The following BANK1 variants were observed in gnomAD, a reference collection of about 807,000 sequenced individuals.
The protein encoded by BANK1 is B-cell scaffold protein with ankyrin repeats.
A neutral mutation model predicts 94.5 loss-of-function variants in BANK1; 95 were observed. That is an observed-to-expected ratio of 1.00 (90% CI 0.85 to 1.19). The LOEUF (loss-of-function observed/expected upper bound fraction) is 1.19, where lower values mean the gene tolerates loss of function less well. Among genes scored for constraint, BANK1 ranks in the 50% most tolerant of loss-of-function variants. The probability of loss-of-function intolerance (pLI) is 0.00; values close to 1 mark genes in which losing one functional copy is unlikely to be tolerated. For synonymous variants in BANK1, 334 were observed against 308.4 expected (o/e 1.08, Z -0.87); for missense variants, 987 against 932.2 (o/e 1.06, Z -0.77).
chr4:102,062,670 C>A (rs1728456029), intron 12 of BANK1: 2 of 162,594 alleles, frequency 1.2e-5, no homozygotes, highest in African/African-American at 2.4e-5. Flanking sequence ...TGGGCTCAGG[C>A]AGCAGCAAAC....
chr4:102,047,170 G>C (rs1727904868), intron 11 of BANK1, among the ~76,000 whole-genome samples: 2 of 152,074 alleles, frequency 1.3e-5, no homozygotes, highest in African/African-American at 4.8e-5. Flanking sequence ...AGGACATTAT[G>C]AATCATCCTT....
In BANK1 at chr4:102,025,569, A is replaced by G. The variant is rs534463170; in HGVS notation, c.1594+60A>G. On this transcript the variant is annotated intron_variant, in intron 9 of 16. Coordinates refer to ENST00000322953, the MANE Select transcript of BANK1 (RefSeq NM_017935.5). The stretch of plus-strand genomic sequence containing the variant: ...AAAGACAAATCTTTGACAGGCTTAC[A>G]TAGCAAATAGTGCAGTGGCAAATCT... 4.7e-6 allele frequency: 7 copies of G among 1,497,276 alleles called. No homozygotes were observed. In the South Asian group the frequency reaches 6.2e-5, roughly 13 times the overall value. The allele number at this position is 1,497,276 out of a possible 1,614,324, so 92.7% of individuals were successfully genotyped here. A position where few individuals can be genotyped will look rare whatever the true frequency, so the allele number is the denominator to read the frequency against.
intron 5 of BANK1, among the ~76,000 whole-genome samples, chr4:101,884,823 CCTT>C (rs1004093639): frequency 1.6e-4 from 24 of 152,282 alleles, no homozygotes; most frequent in African/African-American, 5.8e-4. Context: ...ATAATAGTCT[CCTT>C]ATTGGTCCTC....
chr4:102,000,282 C>A (rs943702024), intron 7 of BANK1, among the ~76,000 whole-genome samples: 8 of 140,488 alleles, frequency 5.7e-5, no homozygotes, highest in Non-Finnish European at 9.0e-5. Context: ...AAGATTGTGC[C>A]ATTGCACTCT....
intron 2 of BANK1, among the ~76,000 whole-genome samples, chr4:101,842,121 T>G (rs1476691529): frequency 1.3e-5 from 2 of 152,200 alleles, no homozygotes; most frequent in Non-Finnish European, 2.9e-5. Flanking sequence ...ACATTGTTAT[T>G]TGACAGATTG....
intron 7 of BANK1, among the ~76,000 whole-genome samples, chr4:101,934,239 G>A (rs1213215943): frequency 2.0e-5 from 3 of 151,384 alleles, no homozygotes; most frequent in African/African-American, 4.8e-5. Context: ...AAACAGCTTA[G>A]TATTAATTTT....
intron 3 of BANK1, among the ~76,000 whole-genome samples, chr4:101,857,189 T>G (rs547531190): frequency 3.3e-5 from 5 of 152,194 alleles, no homozygotes; most frequent in Non-Finnish European, 7.3e-5. Flanking sequence ...GAAATGATAG[T>G]TGAGGCTTCC....
chr4:102,039,690 G>A (rs1235904619), intron 10 of BANK1, among the ~76,000 whole-genome samples: 2 of 151,934 alleles, frequency 1.3e-5, no homozygotes, highest in Non-Finnish European at 2.9e-5. Flanking sequence ...CCAAAACAGA[G>A]GACAGTATGA....
At chr4:101,862,207 A>G (rs1172614807) in intron 3 of BANK1, among the ~76,000 whole-genome samples, 2 of 152,130 alleles carry the variant, frequency 1.3e-5, no homozygotes, top group Non-Finnish European at 1.5e-5. Flanking sequence ...AATGATGCTT[A>G]TACCCTGGTA....
At chr4:101,946,661 A>T (rs1392659755) in intron 7 of BANK1, among the ~76,000 whole-genome samples, 2 of 152,012 alleles carry the variant, frequency 1.3e-5, no homozygotes, top group Non-Finnish European at 2.9e-5. Context: ...AGCCTCAGTC[A>T]TATTACATAT....
intron 7 of BANK1, among the ~76,000 whole-genome samples, chr4:101,978,735 G>T (rs190098334): frequency 6.6e-6 from 1 of 151,812 alleles, no homozygotes; most frequent in Non-Finnish European, 1.5e-5. Flanking sequence ...AGTTTTGATT[G>T]ATTTTCTTAT....
chr4:101,840,461 G>A (rs532287079), intron 2 of BANK1, among the ~76,000 whole-genome samples: 46 of 152,262 alleles, frequency 3.0e-4, no homozygotes, highest in Middle Eastern at 6.8e-3. Context: ...TGTTTGTGAT[G>A]ACCGTGACAC....
At chr4:102,054,295 A>G (rs1400211775) in intron 11 of BANK1, among the ~76,000 whole-genome samples, 3 of 152,146 alleles carry the variant, frequency 2.0e-5, no homozygotes, top group African/African-American at 7.2e-5. Context: ...ACGTAATCGT[A>G]TTAACAACTC....
At chr4:101,812,352 G>A (rs1331470197) in intron 1 of BANK1, among the ~76,000 whole-genome samples, 1 of 151,816 alleles carries the variant, frequency 6.6e-6, no homozygotes, top group African/African-American at 2.4e-5. Context: ...TTCAAGTGGT[G>A]AAATGTTAAA....
chr4:102,064,590 C>CTTAA lies in BANK1; in HGVS notation c.2212+1456_2212+1459dup, dbSNP rs374585153. On this transcript the variant is annotated intron_variant, in intron 13 of 16. Coordinates refer to ENST00000322953, the MANE Select transcript of BANK1 (RefSeq NM_017935.5). ...TTCTGTTTAATTCAAAATCAATGCT[C>CTTAA]TTAATTATCAGTGCCTTAATTATGA... Among the ~76,000 whole-genome samples the CTTAA allele has an allele frequency of 4.1e-3, 621 of 152,324 alleles. 2 individuals are homozygous for CTTAA. Among genetic ancestry groups the CTTAA allele is most frequent in the African/African-American group, 0.014 (578 of 41,568 alleles).
chr4:101,961,568 T>C (rs1724571373), intron 7 of BANK1, among the ~76,000 whole-genome samples: 1 of 152,196 alleles, frequency 6.6e-6, no homozygotes, highest in Non-Finnish European at 1.5e-5. Flanking sequence ...TTTCCCTGTT[T>C]TTCTTGTGGT....
intron 7 of BANK1, among the ~76,000 whole-genome samples, chr4:101,970,246 G>A (rs1363808574): frequency 6.6e-6 from 1 of 152,216 alleles, no homozygotes; most frequent in South Asian, 2.1e-4. Context: ...TCAATAGGTA[G>A]CTACTATTAC....
intron 5 of BANK1, among the ~76,000 whole-genome samples, chr4:101,889,322 G>T (rs1721759628): frequency 6.6e-6 from 1 of 151,962 alleles, no homozygotes; most frequent in East Asian, 1.9e-4. Context: ...AGTCTTGCTA[G>T]AAGTTTGTCA....
At chr4:101,908,909 A>T (rs1467715633) in intron 6 of BANK1, among the ~76,000 whole-genome samples, 2 of 152,216 alleles carry the variant, frequency 1.3e-5, no homozygotes, top group Non-Finnish European at 2.9e-5. Flanking sequence ...AGGAAACAAC[A>T]GGTGCTGGAG....
Sources: allele counts gnomAD v4.1 joint callset (sites outside exome capture counted in the v4.1 genomes callset), GRCh38; gene constraint gnomAD v4.1.1; transcripts MANE v1.5; gene names NCBI Gene and HGNC (gene_info 2026-07-23, HGNC 2026-07-21).